The following TENM3 variants were observed in gnomAD, a reference collection of about 807,000 sequenced individuals.
TENM3 encodes teneurin-3.
TENM3 carries 63 observed loss-of-function variants against 255.1 expected under a neutral mutation model. That is an observed-to-expected ratio of 0.25 (90% CI 0.20 to 0.30). The LOEUF (loss-of-function observed/expected upper bound fraction) is 0.30, where lower values mean the gene tolerates loss of function less well. Among genes scored for constraint, TENM3 ranks in the 10% least tolerant of loss-of-function variants. The pLI is 1.00. For synonymous variants in TENM3, 1,306 were observed against 1,322.3 expected (o/e 0.99, Z 0.27); for missense variants, 2,929 against 3,461.1 (o/e 0.85, Z 3.86).
At chr4:181,597,350 G>A in the TENM3 span, among the ~76,000 whole-genome samples, 1 of 152,278 alleles carries the variant, frequency 6.6e-6, no homozygotes, top group African/African-American at 2.4e-5. Flanking sequence ...TAAACGTGGT[G>A]CTAGATTTAA....
At chr4:182,645,432 G>A (rs1295364931) in intron 5 of TENM3, among the ~76,000 whole-genome samples, 1 of 152,106 alleles carries the variant, frequency 6.6e-6, no homozygotes, top group Non-Finnish European at 1.5e-5. Flanking sequence ...CTATATTTTG[G>A]GGAATACATG....
At chr4:181,652,131 G>A in the TENM3 span, among the ~76,000 whole-genome samples, 105 of 122,090 alleles carry the variant, frequency 8.6e-4, no homozygotes, top group African/African-American at 2.9e-3. Context: ...AAATCACAAA[G>A]CACTTTGGGG....
At chr4:182,277,829 C>T (rs1760105550) in intron 1 of TENM3, among the ~76,000 whole-genome samples, 1 of 152,172 alleles carries the variant, frequency 6.6e-6, no homozygotes. Context: ...AAATTCTAAG[C>T]ACCTGAGGAA....
At chr4:181,501,014 G>A in the TENM3 span, among the ~76,000 whole-genome samples, 4 of 152,146 alleles carry the variant, frequency 2.6e-5, no homozygotes, top group Admixed American at 1.3e-4. Flanking sequence ...GGGCCCAGCC[G>A]CTAATGACCG....
At chr4:182,545,622 CCA>C (rs1741361882) in intron 3 of TENM3, among the ~76,000 whole-genome samples, 1 of 152,062 alleles carries the variant, frequency 6.6e-6, no homozygotes, top group East Asian at 1.9e-4. Flanking sequence ...TTGGAACGTG[CCA>C]CAGTCTCCCT....
At chr4:181,570,556 G>C in the TENM3 span, among the ~76,000 whole-genome samples, 4 of 143,350 alleles carry the variant, frequency 2.8e-5, no homozygotes, top group African/African-American at 2.6e-5. Flanking sequence ...AAAAGAGAGA[G>C]AGAAAAAAAA....
the TENM3 span, among the ~76,000 whole-genome samples, chr4:181,862,231 G>A: frequency 2.0e-5 from 3 of 151,626 alleles, no homozygotes; most frequent in East Asian, 3.9e-4. Flanking sequence ...ACACACAAGC[G>A]CACACACACA....
At chr4:181,569,672 T>C in the TENM3 span, among the ~76,000 whole-genome samples, 231 of 152,282 alleles carry the variant, frequency 1.5e-3, 2 homozygotes, top group Admixed American at 0.012. Flanking sequence ...ACATTTTCTG[T>C]GGTGTGTGAT....
the TENM3 span, among the ~76,000 whole-genome samples, chr4:182,013,955 CACACATATAT>C: frequency 7.7e-6 from 1 of 129,414 alleles, no homozygotes; most frequent in Non-Finnish European, 1.6e-5. Context: ...TACGTATATA[CACACATATAT>C]ACGTATATAT....
intron 1 of TENM3, among the ~76,000 whole-genome samples, chr4:182,268,250 A>G (rs1759368705): frequency 6.6e-6 from 1 of 152,176 alleles, no homozygotes; most frequent in African/African-American, 2.4e-5. Context: ...ACACTTATTA[A>G]TCTTCCAGTA....
intron 1 of TENM3, among the ~76,000 whole-genome samples, chr4:182,215,945 G>A (rs1561207492): frequency 6.6e-6 from 1 of 152,316 alleles, no homozygotes; most frequent in East Asian, 1.9e-4. Flanking sequence ...TTTGAATGAA[G>A]GGAGAAGAGC....
chr4:182,041,431 ACT>A, the TENM3 span, among the ~76,000 whole-genome samples: 1 of 152,054 alleles, frequency 6.6e-6, no homozygotes, highest in Non-Finnish European at 1.5e-5. Flanking sequence ...AAAAGCAAAG[ACT>A]CTATGTGAAC....
chr4:182,241,523 T>TC (rs1171373396), upstream of TENM3, among the ~76,000 whole-genome samples: 1 of 138,182 alleles, frequency 7.2e-6, no homozygotes, highest in East Asian at 2.0e-4. Context: ...TCTTTCTTTT[T>TC]TTTTTTTTTT....
At chr4:182,445,362 T>C (rs1772833286) in intron 3 of TENM3, among the ~76,000 whole-genome samples, 1 of 152,246 alleles carries the variant, frequency 6.6e-6, no homozygotes, top group African/African-American at 2.4e-5. Flanking sequence ...ATGAAGTGCT[T>C]AGTGTTAGCT....
At chr4:181,813,953 A>G in the TENM3 span, among the ~76,000 whole-genome samples, 1 of 152,220 alleles carries the variant, frequency 6.6e-6, no homozygotes, top group African/African-American at 2.4e-5. Flanking sequence ...AGAAGAAAAT[A>G]GTAGCTTAAT....
chr4:181,971,077 C>T, the TENM3 span, among the ~76,000 whole-genome samples: 3,457 of 152,098 alleles, frequency 0.023, 148 homozygotes, highest in African/African-American at 0.079. Context: ...GCTCCCAAAG[C>T]GCTGGGATTA....
At chr4:182,615,737 A>T (rs555393093) in intron 4 of TENM3, among the ~76,000 whole-genome samples, 15 of 152,150 alleles carry the variant, frequency 9.9e-5, no homozygotes, top group Non-Finnish European at 1.8e-4. Flanking sequence ...AGTGAAAAAA[A>T]AAAAAGAGTG....
intron 1 of TENM3, among the ~76,000 whole-genome samples, chr4:182,300,807 G>A (rs1761806139): frequency 6.6e-6 from 1 of 151,984 alleles, no homozygotes. Flanking sequence ...AAAACAGTGA[G>A]ATTTTGAAAA....
At chr4:182,319,650 G>T (rs974027142) in intron 1 of TENM3, among the ~76,000 whole-genome samples, 1 of 152,124 alleles carries the variant, frequency 6.6e-6, no homozygotes, top group African/African-American at 2.4e-5. Flanking sequence ...CCATTACTAG[G>T]TGTTAACATT....
Sources: gnomAD v4.1 joint callset for allele counts (sites outside exome capture counted in the v4.1 genomes callset) on GRCh38, gnomAD v4.1.1 for gene constraint, MANE v1.5 for transcripts, NCBI Gene and HGNC (gene_info 2026-07-23, HGNC 2026-07-21) for gene names.